Variants in AKR1A1 observed in about 807,000 individuals in gnomAD.
The protein encoded by AKR1A1 is HEL-S-165mP.
Under a neutral mutation model 39.2 loss-of-function variants are expected in AKR1A1, and 26 were observed. The observed-to-expected ratio is 0.66, with a 90% CI of 0.49 to 0.92. The LOEUF is 0.92. Among genes scored for constraint, AKR1A1 ranks in the 40% least tolerant of loss-of-function variants. The pLI is 0.00. For missense variants in AKR1A1, 378 were observed against 406.5 expected (o/e 0.93, Z 0.60); for synonymous variants, 141 against 155.5 (o/e 0.91, Z 0.69).
At chr1:45,567,377 C>T (rs180924460) in intron 4 of AKR1A1, 168 of 211,808 alleles carry the variant, frequency 7.9e-4, no homozygotes, top group African/African-American at 3.6e-3. Flanking sequence ...CCATTAGTGC[C>T]GTGCCCTGTG....
chr1:45,567,080 A>G (rs1644354224), intron 4 of AKR1A1, 60 bp downstream of exon 4: 4 of 1,579,786 alleles, frequency 2.5e-6, no homozygotes, highest in African/African-American at 1.3e-5. Context: ...GGTGTTAGTA[A>G]CTTATTGTAA....
chr1:45,558,586 G>A (rs1644238498), intron 1 of AKR1A1, among the ~76,000 whole-genome samples: 1 of 151,854 alleles, frequency 6.6e-6, no homozygotes, highest in African/African-American at 2.4e-5. Context: ...TTTTAGGAGA[G>A]ACGGGGTTTC....
intron 1 of AKR1A1, among the ~76,000 whole-genome samples, chr1:45,552,204 G>T (rs1229308016): frequency 6.6e-6 from 1 of 151,630 alleles, no homozygotes; most frequent in Non-Finnish European, 1.5e-5. Flanking sequence ...AGATGGATGG[G>T]GGTCTCTCGG....
Position 45,568,047 on chromosome 1 carries a change from A to G in AKR1A1, c.422A>G (p.Lys141Arg). The change falls in exon 5 of 9, where the codon AAG becomes AGG. Residue 141 changes from lysine (K) to arginine (R), a missense_variant. Lys to Arg is a conservative substitution (Grantham distance 26). Transcript: ENST00000351829. ...ATATGCTACGACTCCACCCACTACA[A>G]GGAGACTTGGAAGGCTCTGGAGGCA... ...GTICYDSTHY[K>R]ETWKALEALV... is the part of the protein sequence containing the mutation. The G allele has an allele frequency of 6.2e-7, 1 of 1,614,064 alleles. No homozygotes were observed. Among genetic ancestry groups the G allele is most frequent in the Non-Finnish European group, 8.5e-7 (1 of 1,180,024 alleles).
At chr1:45,556,778 G>T (rs548238895) in intron 1 of AKR1A1, among the ~76,000 whole-genome samples, 12 of 152,144 alleles carry the variant, frequency 7.9e-5, no homozygotes, top group Non-Finnish European at 1.6e-4. Context: ...TCGGGAGGCT[G>T]AGGCAGGAGA....
intron 1 of AKR1A1, among the ~76,000 whole-genome samples, chr1:45,560,876 C>T (rs1373776697): frequency 6.6e-6 from 1 of 151,992 alleles, no homozygotes; most frequent in African/African-American, 2.4e-5. Context: ...TACAGGCACC[C>T]GCCACCACGC....
In AKR1A1 at chr1:45,569,137, C is replaced by T. The variant is rs1644383241; in HGVS notation, c.826-6C>T. On this transcript the variant is annotated splice_polypyrimidine_tract_variant and splice_region_variant and intron_variant, in intron 7 of 8. Transcript: ENST00000351829. ...GGCTTTCTTGAACCCCACTCTCCATCCTCAGGTGTTTGACTTCACCTTTAG... is the reference window on the plus strand; with the variant it reads ...GGCTTTCTTGAACCCCACTCTCCATTCTCAGGTGTTTGACTTCACCTTTAG... The T allele has an allele frequency of 6.2e-7, 1 of 1,613,866 alleles. No homozygotes were observed. The highest frequency in any genetic ancestry group is 8.5e-7 in the Non-Finnish European group (1 of 1,179,722).
intron 2 of AKR1A1, among the ~76,000 whole-genome samples, chr1:45,565,336 G>T (rs1644327342): frequency 6.7e-6 from 1 of 150,108 alleles, no homozygotes; most frequent in Non-Finnish European, 1.5e-5. Context: ...CTCCGTGTTG[G>T]TTAGGCTGGT....
At chr1:45,551,234 T>G (rs1458956203) in intron 1 of AKR1A1, 79 bp downstream of exon 1, 1 of 152,248 alleles carries the variant, frequency 6.6e-6, no homozygotes, top group Non-Finnish European at 1.5e-5. Flanking sequence ...TGTAAGCCCC[T>G]GGGGTTGAGT....
At chr1:45,562,432 C>T (rs535309794) in intron 2 of AKR1A1, among the ~76,000 whole-genome samples, 1 of 151,288 alleles carries the variant, frequency 6.6e-6, no homozygotes, top group Non-Finnish European at 1.5e-5. Flanking sequence ...GCCTTGACCT[C>T]CTGGGCTCAA....
intron 4 of AKR1A1, 122 bp from the exon 5 acceptor site, chr1:45,567,859 TA>T: frequency 1.1e-6 from 1 of 920,478 alleles, no homozygotes; most frequent in Non-Finnish European, 1.6e-6. Context: ...CATGGCTTTT[TA>T]AAAATTCTTG....
At chr1:45,554,795 A>T (rs1644179005) in intron 1 of AKR1A1, among the ~76,000 whole-genome samples, 1 of 152,038 alleles carries the variant, frequency 6.6e-6, no homozygotes, top group Admixed American at 6.6e-5. Flanking sequence ...GGCTCAAGGG[A>T]TCCTCCTGCC....
chr1:45,567,055 G>A (rs1361498525), intron 4 of AKR1A1, 35 bp downstream of exon 4: 3 of 1,607,530 alleles, frequency 1.9e-6, no homozygotes, highest in Non-Finnish European at 2.6e-6. Context: ...GGGGAATCAG[G>A]GGGTTGAGCA....
At chr1:45,552,242 T>C (rs1344366673) in intron 1 of AKR1A1, among the ~76,000 whole-genome samples, 1 of 151,852 alleles carries the variant, frequency 6.6e-6, no homozygotes, top group Non-Finnish European at 1.5e-5. Context: ...AGTGTAGTGG[T>C]GGAATCCTTG....
At chr1:45,559,837 G>C (rs535625378) in intron 1 of AKR1A1, among the ~76,000 whole-genome samples, 1 of 151,274 alleles carries the variant, frequency 6.6e-6, no homozygotes, top group Non-Finnish European at 1.5e-5. Flanking sequence ...TAGTAGAGAC[G>C]GGGTTTCGCT....
chr1:45,562,261 A>G (rs1644287523), intron 2 of AKR1A1, among the ~76,000 whole-genome samples: 1 of 151,956 alleles, frequency 6.6e-6, no homozygotes, highest in African/African-American at 2.4e-5. Context: ...AGAATTAGGC[A>G]CATAGCAGGT....
chr1:45,555,973 T>C (rs140761178), intron 1 of AKR1A1, among the ~76,000 whole-genome samples: 2 of 152,200 alleles, frequency 1.3e-5, no homozygotes, highest in African/African-American at 4.8e-5. Flanking sequence ...ACCGAAGACA[T>C]GAACTCAACT....
chr1:45,565,223 C>T lies in AKR1A1; in HGVS notation c.85-1346C>T, dbSNP rs1323635663. Among the ~76,000 whole-genome samples the T allele has an allele frequency of 2.7e-5, 4 of 147,822 alleles. No homozygotes were observed. In the East Asian group the frequency reaches 7.9e-4, roughly 29 times the overall value. On this transcript the variant is annotated intron_variant, in intron 2 of 8. Coordinates refer to ENST00000351829, the MANE Select transcript of AKR1A1 (RefSeq NM_153326.3). ...TTGGCTCACTGTAACCTCCACCTCC[C>T]AGGTTCAAGCGATTCTCCTGCCTCA...
chr1:45,564,640 A>G (rs915871524), intron 2 of AKR1A1, among the ~76,000 whole-genome samples: 2 of 151,834 alleles, frequency 1.3e-5, no homozygotes, highest in African/African-American at 4.8e-5. Context: ...GAGTCTGTCT[A>G]CACAACTCCC....
Sources: allele counts gnomAD v4.1 joint callset (sites outside exome capture counted in the v4.1 genomes callset), GRCh38; gene constraint gnomAD v4.1.1; transcripts MANE v1.5; gene names NCBI Gene and HGNC (gene_info 2026-07-23, HGNC 2026-07-21).